PCSK6: variants seen among roughly 807,000 people sequenced by gnomAD.
The protein encoded by PCSK6 is proprotein convertase subtilisin/kexin type 6, also known as paired basic amino acid cleaving enzyme 4.
Under a neutral mutation model 123.3 loss-of-function variants are expected in PCSK6, and 85 were observed. That is an observed-to-expected ratio of 0.69 (90% CI 0.58 to 0.83). The LOEUF (loss-of-function observed/expected upper bound fraction) is 0.83. Among genes scored for constraint, PCSK6 ranks in the 40% least tolerant of loss-of-function variants. The pLI is 0.00. For missense variants in PCSK6, 1,191 were observed against 1,282.3 expected (o/e 0.93, Z 1.09); for synonymous variants, 508 against 516.0 (o/e 0.98, Z 0.21).
At chr15:101,385,727 A>G (rs1188634896) in intron 9 of PCSK6, among the ~76,000 whole-genome samples, 3 of 152,236 alleles carry the variant, frequency 2.0e-5, no homozygotes. Flanking sequence ...ATTTGAACAT[A>G]CAAGCTTTCT....
chr15:101,350,707 C>T (rs1488525320), intron 13 of PCSK6, among the ~76,000 whole-genome samples: 3 of 152,180 alleles, frequency 2.0e-5, no homozygotes, highest in South Asian at 4.1e-4. Flanking sequence ...GGCTGGCCCC[C>T]GCAAGCATAA....
At chr15:101,436,428 G>A (rs1371511033) in intron 2 of PCSK6, among the ~76,000 whole-genome samples, 2 of 152,248 alleles carry the variant, frequency 1.3e-5, no homozygotes, top group Non-Finnish European at 2.9e-5. Flanking sequence ...AGCTCGGCCA[G>A]CTCTTTCTTT....
intron 6 of PCSK6, among the ~76,000 whole-genome samples, chr15:101,416,612 C>T (rs952857339): frequency 2.6e-5 from 4 of 152,238 alleles, no homozygotes; most frequent in African/African-American, 9.6e-5. Context: ...CCATCAGAGG[C>T]CCAGAGGCCC....
intron 1 of PCSK6, among the ~76,000 whole-genome samples, chr15:101,453,316 C>A (rs1448976270): frequency 6.6e-6 from 1 of 152,236 alleles, no homozygotes; most frequent in Non-Finnish European, 1.5e-5. Flanking sequence ...ACCTCACCCC[C>A]AGGCAGAGCA....
At chr15:101,418,211 A>G (rs949851910) in intron 6 of PCSK6, among the ~76,000 whole-genome samples, 2 of 152,194 alleles carry the variant, frequency 1.3e-5, no homozygotes, top group Non-Finnish European at 2.9e-5. Flanking sequence ...AAGTCACCAT[A>G]TCCAATCAGA....
chr15:101,341,238 A>G (rs1343735131), intron 13 of PCSK6, among the ~76,000 whole-genome samples: 1 of 146,020 alleles, frequency 6.8e-6, no homozygotes, highest in African/African-American at 2.6e-5. Flanking sequence ...CGCCTGGCCA[A>G]AAGTGTGGGG....
chr15:101,485,332 T>G (rs2057994202), intron 1 of PCSK6, among the ~76,000 whole-genome samples: 1 of 152,246 alleles, frequency 6.6e-6, no homozygotes, highest in Non-Finnish European at 1.5e-5. Flanking sequence ...AAATAATCTG[T>G]GTACTAATGT....
intron 13 of PCSK6, chr15:101,347,226 T>G: frequency 8.1e-7 from 1 of 1,232,276 alleles, no homozygotes; most frequent in Non-Finnish European, 1.0e-6. Context: ...ACAGGATAGA[T>G]TGAGCCATCG....
intron 6 of PCSK6, among the ~76,000 whole-genome samples, chr15:101,405,376 G>T (rs763939786): frequency 1.3e-5 from 2 of 152,168 alleles, no homozygotes; most frequent in African/African-American, 2.4e-5. Flanking sequence ...GAACCCGCCT[G>T]CCCAGTCCAC....
chr15:101,375,708 C>G (rs367875697), intron 11 of PCSK6, among the ~76,000 whole-genome samples: 1 of 152,122 alleles, frequency 6.6e-6, no homozygotes, highest in Admixed American at 6.5e-5. Flanking sequence ...AAGGCAACAC[C>G]GCCTGTTGGT....
At chr15:101,409,023 G>A (rs1398260818) in intron 6 of PCSK6, among the ~76,000 whole-genome samples, 6 of 152,170 alleles carry the variant, frequency 3.9e-5, no homozygotes, top group East Asian at 1.9e-4. Context: ...ACCTATATCC[G>A]GGGGCCGGAG....
At chr15:101,402,077 G>A (rs1484493309) in intron 6 of PCSK6, among the ~76,000 whole-genome samples, 1 of 151,160 alleles carries the variant, frequency 6.6e-6, no homozygotes, top group Non-Finnish European at 1.5e-5. Flanking sequence ...CAGAGATATA[G>A]ATCAATGGAA....
rs1488081837 is a variant in PCSK6 at position 101,370,423 on chromosome 15, G to A, written c.1633C>T (p.Arg545Cys). 12 of 1,552,164 alleles carry A rather than the reference G, an allele frequency of 7.7e-6. No individual in the cohort carries two copies. The highest frequency in any genetic ancestry group is 5.9e-5 in the Admixed American group (3 of 51,048). ...RVVYLEHVVVRTSISHPRRGD... is the reference protein window; with the variant it reads ...RVVYLEHVVVCTSISHPRRGD... ...CGGCGTGGGTGTGAGATGGAGGTGC[G>A]AACCACCACGTGCTCCAAGTAGACC... The change falls in exon 12 of 22, where the codon CGC (arginine) becomes TGC (cysteine). Residue 545 changes from arginine to cysteine, a missense_variant. Arg to Cys is a radical substitution (Grantham distance 180, BLOSUM62 -3). Transcript: ENST00000611716.
intron 1 of PCSK6, among the ~76,000 whole-genome samples, chr15:101,454,026 C>T (rs2141183039): frequency 6.6e-6 from 1 of 152,344 alleles, no homozygotes; most frequent in East Asian, 1.9e-4. Context: ...CTGCCAGGCC[C>T]CCTCCTGGAC....
chr15:101,468,596 C>T (rs923983270), intron 1 of PCSK6, among the ~76,000 whole-genome samples: 2 of 152,196 alleles, frequency 1.3e-5, no homozygotes, highest in African/African-American at 4.8e-5. Flanking sequence ...TCCACAAACA[C>T]CCAGAATTGT....
In PCSK6 at chr15:101,412,712, T is replaced by TATATATATATAA. The variant is rs376981204; in HGVS notation, c.824-14137_824-14136insTTATATATATAT. Among the ~76,000 whole-genome samples, 9 of 136,362 alleles carry TATATATATATAA rather than the reference T, an allele frequency of 6.6e-5. 1 individual carries two copies. Among genetic ancestry groups the TATATATATATAA allele is most frequent in the African/African-American group, 2.4e-4 (8 of 32,690 alleles). 89.5% of individuals were successfully genotyped at this position (136,362 alleles called of 152,430 possible). ...AAAATTATATATATATATATATATA[T>TATATATATATAA]AAAATTACCCAATCTGAACAACATA... On this transcript the variant is annotated intron_variant, in intron 6 of 21. Transcript: ENST00000611716.
intron 6 of PCSK6, among the ~76,000 whole-genome samples, chr15:101,403,073 A>G (rs1281617232): frequency 1.3e-5 from 2 of 152,136 alleles, no homozygotes; most frequent in East Asian, 1.9e-4. Flanking sequence ...CATATACGCC[A>G]TGGAATACTA....
chr15:101,430,156 A>G, intron 4 of PCSK6, 93 bp from the exon 5 acceptor site: 2 of 902,046 alleles, frequency 2.2e-6, no homozygotes, highest in Non-Finnish European at 3.7e-6. Context: ...TAGAGAAACC[A>G]CACGCGGGGC....
Position 101,398,539 on chromosome 15 carries a change from G to T in PCSK6, c.861C>A (p.Val287=). The change falls in exon 7 of 22, where the codon GTC becomes GTA. Residue 287 remains valine, a synonymous_variant. Coordinates refer to ENST00000611716, the MANE Select transcript of PCSK6 (RefSeq NM_002570.5). This position sits in a 1 kb window ranked among gnomAD's most constrained non-coding sequence, Gnocchi z 4.6. ...RMLDGDVTDV[V]EAKSLGIRPN... is the part of the protein sequence containing the mutation. Reference sequence around the variant, plus strand: ...GTCTGATGCCCAGCGACTTTGCCTCGACCACATCTGTGACATCGCCGTCCA... The same window carrying T: ...GTCTGATGCCCAGCGACTTTGCCTCTACCACATCTGTGACATCGCCGTCCA... 6.2e-7 allele frequency: 1 copy of T among 1,613,574 alleles called. No homozygotes were observed. Among genetic ancestry groups the T allele is most frequent in the Non-Finnish European group, 8.5e-7 (1 of 1,179,710 alleles).
Sources: gnomAD v4.1 joint callset for allele counts (sites outside exome capture counted in the v4.1 genomes callset) on GRCh38, gnomAD v4.1.1 for gene constraint, Gnocchi (gnomAD v3.1) non-coding constraint, MANE v1.5 for transcripts, NCBI Gene and HGNC (gene_info 2026-07-23, HGNC 2026-07-21) for gene names.